The following MGLL variants were observed in gnomAD, a reference collection of about 807,000 sequenced individuals.
MGLL encodes monoglyceride lipase.
In MGLL, 7 loss-of-function variants were observed where a neutral mutation model predicts 29.1. That is an observed-to-expected ratio of 0.24 (90% CI 0.14 to 0.45). MGLL has a LOEUF of 0.45. Among genes scored for constraint, MGLL ranks in the 20% least tolerant of loss-of-function variants. The probability of loss-of-function intolerance (pLI) is 0.99; values close to 1 mark genes in which losing one functional copy is unlikely to be tolerated. For missense variants in MGLL, 356 were observed against 413.6 expected (o/e 0.86, Z 1.21); for synonymous variants, 148 against 168.3 (o/e 0.88, Z 0.93).
intron 3 of MGLL, among the ~76,000 whole-genome samples, chr3:127,755,899 G>A (rs1323785375): frequency 2.6e-5 from 4 of 152,130 alleles, no homozygotes; most frequent in Non-Finnish European, 4.4e-5. Context: ...TTTCTTCTTA[G>A]TAACTGAAAC....
At chr3:127,810,477 G>T (rs1411911390) in intron 2 of MGLL, among the ~76,000 whole-genome samples, 1 of 152,006 alleles carries the variant, frequency 6.6e-6, no homozygotes, top group Non-Finnish European at 1.5e-5. Context: ...ATTCCCTTCG[G>T]CCCAGAATGT....
At chr3:127,702,398 C>T (rs934848433) in intron 6 of MGLL, among the ~76,000 whole-genome samples, 1 of 152,196 alleles carries the variant, frequency 6.6e-6, no homozygotes, top group Non-Finnish European at 1.5e-5. Context: ...GCCCTGCCTA[C>T]CAGGAGGCCT....
At chr3:127,778,455 T>G (rs1437024956) in intron 3 of MGLL, among the ~76,000 whole-genome samples, 1 of 152,192 alleles carries the variant, frequency 6.6e-6, no homozygotes, top group East Asian at 1.9e-4. Context: ...AAATTAAGAC[T>G]GGGGATAGTT....
intron 5 of MGLL, among the ~76,000 whole-genome samples, chr3:127,717,789 C>G (rs2075843447): frequency 6.6e-6 from 1 of 152,150 alleles, no homozygotes; most frequent in South Asian, 2.1e-4. Context: ...GAGTGCTGTC[C>G]CAGACAACTA....
chr3:127,804,684 T>C (rs1370113097), intron 2 of MGLL, among the ~76,000 whole-genome samples: 1 of 152,164 alleles, frequency 6.6e-6, no homozygotes, highest in African/African-American at 2.4e-5. Context: ...GCCAGTTTTA[T>C]TGACAATAAC....
At chr3:127,736,470 G>C in intron 3 of MGLL, 1 of 512,200 alleles carries the variant, frequency 2.0e-6, no homozygotes, top group Non-Finnish European at 2.5e-6. Flanking sequence ...CGCTGCCCTG[G>C]AGACTTCAGC....
rs987677178 is a variant in MGLL, at chr3:127,787,706, G to A, written c.156-5811C>T. Among the ~76,000 whole-genome samples the A allele has an allele frequency of 5.5e-4, 84 of 152,154 alleles. 1 individual carries two copies. Among genetic ancestry groups the A allele is most frequent in the Middle Eastern group, 3.2e-3 (1 of 316 alleles). On this transcript the variant is annotated intron_variant, in intron 2 of 7. Transcript: ENST00000265052. ...TGGAGGGGTGGGAGCATCGCCTGCC[G>A]CTCCAGGCAGTGCCTGCTCTTGGTT...
intron 3 of MGLL, among the ~76,000 whole-genome samples, chr3:127,755,351 G>T (rs1559948097): frequency 6.6e-6 from 1 of 152,166 alleles, no homozygotes; most frequent in South Asian, 2.1e-4. Context: ...CTTTATAAAG[G>T]ATAGCATGCC....
intron 6 of MGLL, among the ~76,000 whole-genome samples, chr3:127,698,881 G>A (rs1208118253): frequency 2.6e-5 from 4 of 152,220 alleles, no homozygotes; most frequent in Non-Finnish European, 5.9e-5. Flanking sequence ...CCACCTTCCT[G>A]TTTGGCTCAC....
chr3:127,768,833 G>A (rs2076900328), intron 3 of MGLL, among the ~76,000 whole-genome samples: 3 of 152,218 alleles, frequency 2.0e-5, no homozygotes, highest in Admixed American at 2.0e-4. Flanking sequence ...GTGTCCATCA[G>A]AGTTGCCTAA....
intron 2 of MGLL, among the ~76,000 whole-genome samples, chr3:127,820,285 T>C (rs2077835452): frequency 6.6e-6 from 1 of 152,132 alleles, no homozygotes; most frequent in South Asian, 2.1e-4. Flanking sequence ...GAGGGCTCCC[T>C]GCAATGCAAC....
intron 2 of MGLL, among the ~76,000 whole-genome samples, chr3:127,814,593 A>C (rs2077721889): frequency 6.6e-6 from 1 of 152,232 alleles, no homozygotes; most frequent in African/African-American, 2.4e-5. Context: ...GTTGCTATTC[A>C]GGGAGCAGCT....
At chr3:127,710,871 C>A in intron 5 of MGLL, 2 of 602,522 alleles carry the variant, frequency 3.3e-6, no homozygotes, top group Non-Finnish European at 6.0e-6. Context: ...CTCTGCTCCA[C>A]CTTGGGGGAG....
At chr3:127,767,310 G>C (rs2076876258) in intron 3 of MGLL, among the ~76,000 whole-genome samples, 1 of 152,170 alleles carries the variant, frequency 6.6e-6, no homozygotes, top group Non-Finnish European at 1.5e-5. Context: ...AAATTTCCCA[G>C]GGTCACATAA....
At chr3:127,722,292 C>T in intron 4 of MGLL, 138 bp downstream of exon 4, 2 of 1,252,384 alleles carry the variant, frequency 1.6e-6, no homozygotes, top group Admixed American at 1.9e-5. Flanking sequence ...CCAGGAACTC[C>T]AAGTGCAGTG....
At chr3:127,821,205 A>G (rs923090833) in intron 2 of MGLL, among the ~76,000 whole-genome samples, 2 of 152,216 alleles carry the variant, frequency 1.3e-5, no homozygotes, top group Non-Finnish European at 2.9e-5. Context: ...AAAGTAATTG[A>G]GCTGGCAAGG....
At chr3:127,740,571 C>T (rs1380586363) in intron 3 of MGLL, among the ~76,000 whole-genome samples, 5 of 152,180 alleles carry the variant, frequency 3.3e-5, no homozygotes, top group Admixed American at 1.3e-4. Context: ...CTGCGGGGGC[C>T]CTGAGGTTCC....
chr3:127,770,421 A>G (rs2076929627), intron 3 of MGLL, among the ~76,000 whole-genome samples: 1 of 152,188 alleles, frequency 6.6e-6, no homozygotes, highest in South Asian at 2.1e-4. Flanking sequence ...AAGGTGGGAA[A>G]GAATGCAGTG....
chr3:127,822,516 G>C, upstream of MGLL: 2 of 617,588 alleles, frequency 3.2e-6, no homozygotes, highest in East Asian at 2.8e-5. Flanking sequence ...CAGGCTCTCC[G>C]GGGCTCCCCT....
Sources: gnomAD v4.1 joint callset for allele counts (sites outside exome capture counted in the v4.1 genomes callset) on GRCh38, gnomAD v4.1.1 for gene constraint, MANE v1.5 for transcripts, NCBI Gene and HGNC (gene_info 2026-07-23, HGNC 2026-07-21) for gene names.